The following CTNND2 variants were observed in gnomAD, a reference collection of about 807,000 sequenced individuals.
CTNND2 encodes the protein catenin delta-2.
CTNND2 carries 22 observed loss-of-function variants against 144.4 expected under a neutral mutation model. The ratio of observed to expected loss-of-function variants is 0.15; its 90% CI spans 0.11 to 0.22. The LOEUF (loss-of-function observed/expected upper bound fraction) is 0.22. Ranked by LOEUF, CTNND2 falls within the 10% of genes least tolerant of loss-of-function variation. CTNND2 has a pLI of 1.00. For synonymous variants in CTNND2, 751 were observed against 695.6 expected, an observed-to-expected ratio of 1.08 and a Z score of -1.25; for missense variants, 1,353 against 1,618.8, an observed-to-expected ratio of 0.84 and a Z score of 2.82.
At chr5:11,678,137 A>G (rs1272320501) in intron 2 of CTNND2, among the ~76,000 whole-genome samples, 2 of 152,232 alleles carry the variant, frequency 1.3e-5, no homozygotes, top group Non-Finnish European at 2.9e-5. Context: ...AATACAAGAA[A>G]AAAAAGTCAG....
chr5:11,627,611 G>A (rs1277272357), intron 2 of CTNND2, among the ~76,000 whole-genome samples: 1 of 151,918 alleles, frequency 6.6e-6, no homozygotes, highest in Non-Finnish European at 1.5e-5. Flanking sequence ...TATTTCAAAT[G>A]ATGAGGAGTA....
intron 3 of CTNND2, among the ~76,000 whole-genome samples, chr5:11,558,912 G>GT (rs1371712936): frequency 6.6e-6 from 1 of 151,876 alleles, no homozygotes; most frequent in Non-Finnish European, 1.5e-5. Context: ...TAGGTAACAC[G>GT]TAATTGGGAG....
intron 12 of CTNND2, among the ~76,000 whole-genome samples, chr5:11,156,122 T>C (rs758678118): frequency 6.6e-6 from 1 of 152,216 alleles, no homozygotes; most frequent in Non-Finnish European, 1.5e-5. Context: ...ACAGAGCCTA[T>C]TAAGCCTGCA....
intron 2 of CTNND2, among the ~76,000 whole-genome samples, chr5:11,719,980 G>C (rs975681203): frequency 6.6e-6 from 1 of 151,966 alleles, no homozygotes; most frequent in Non-Finnish European, 1.5e-5. Context: ...GGCAATGGAC[G>C]AAGCCAGTGC....
chr5:11,419,035 G>GATAT (rs1466963053), intron 3 of CTNND2, among the ~76,000 whole-genome samples: 5 of 129,688 alleles, frequency 3.9e-5, no homozygotes, highest in Admixed American at 8.0e-5. Flanking sequence ...TCTATATATA[G>GATAT]ATATATAGAT....
At chr5:11,679,853 T>C (rs993356193) in intron 2 of CTNND2, among the ~76,000 whole-genome samples, 2 of 152,192 alleles carry the variant, frequency 1.3e-5, no homozygotes, top group African/African-American at 4.8e-5. Flanking sequence ...CCTGACCTCA[T>C]GGAGGCGGCA....
At chr5:11,245,760 T>G (rs1161576711) in intron 9 of CTNND2, among the ~76,000 whole-genome samples, 1 of 152,200 alleles carries the variant, frequency 6.6e-6, no homozygotes, top group African/African-American at 2.4e-5. Context: ...GAAGCCCATC[T>G]GACCCCAGGA....
At chr5:11,421,280 C>A (rs775620533) in intron 3 of CTNND2, among the ~76,000 whole-genome samples, 1 of 152,170 alleles carries the variant, frequency 6.6e-6, no homozygotes, top group Non-Finnish European at 1.5e-5. Flanking sequence ...TATGAATATT[C>A]TTCCCCTTGC....
At chr5:11,273,608 A>G (rs1219059870) in intron 9 of CTNND2, among the ~76,000 whole-genome samples, 4 of 152,188 alleles carry the variant, frequency 2.6e-5, no homozygotes. Flanking sequence ...GACCGTGTGC[A>G]GCTCTGCAGC....
At chr5:11,518,387 T>C (rs978677765) in intron 3 of CTNND2, among the ~76,000 whole-genome samples, 1 of 152,150 alleles carries the variant, frequency 6.6e-6, no homozygotes, top group Non-Finnish European at 1.5e-5. Context: ...GAAAAGAAAT[T>C]TAAGAATTTC....
chr5:11,316,316 C>T (rs1229921166), intron 9 of CTNND2, among the ~76,000 whole-genome samples: 1 of 152,042 alleles, frequency 6.6e-6, no homozygotes, highest in Non-Finnish European at 1.5e-5. Flanking sequence ...ACCTCTGCCT[C>T]CCAGGTTCAA....
chr5:11,695,529 T>C (rs969394870), intron 2 of CTNND2, among the ~76,000 whole-genome samples: 5 of 152,246 alleles, frequency 3.3e-5, no homozygotes, highest in African/African-American at 1.2e-4. Context: ...TAACAAGGTA[T>C]TCAGAGATGT....
At chr5:11,016,151 G>A (rs1741580167) in intron 18 of CTNND2, among the ~76,000 whole-genome samples, 1 of 152,160 alleles carries the variant, frequency 6.6e-6, no homozygotes, top group African/African-American at 2.4e-5. Flanking sequence ...TTTCCATAGG[G>A]CCTTGAATAT....
chr5:11,264,877 G>A (rs1745281573), intron 9 of CTNND2, among the ~76,000 whole-genome samples: 1 of 152,118 alleles, frequency 6.6e-6, no homozygotes, highest in Non-Finnish European at 1.5e-5. Context: ...GTTGCAGTGA[G>A]CCAAGATTGT....
At chr5:11,831,672 A>G (rs1207906696) in intron 1 of CTNND2, among the ~76,000 whole-genome samples, 1 of 151,942 alleles carries the variant, frequency 6.6e-6, no homozygotes, top group African/African-American at 2.4e-5. Flanking sequence ...GTATCAAAAA[A>G]AAAAAAAAAA....
At chr5:11,470,987 T>A (rs1395207553) in intron 3 of CTNND2, among the ~76,000 whole-genome samples, 43 of 131,714 alleles carry the variant, frequency 3.3e-4, no homozygotes, top group African/African-American at 9.2e-4. Flanking sequence ...TATATTTTTT[T>A]TTTTTTTTTA....
At chr5:11,683,934 CA>C (rs1457773396) in intron 2 of CTNND2, among the ~76,000 whole-genome samples, 6 of 151,936 alleles carry the variant, frequency 3.9e-5, no homozygotes, top group Non-Finnish European at 8.8e-5. Flanking sequence ...TCTAAGCTCC[CA>C]ATAGTCCTAA....
chr5:11,788,437 G>A (rs1790954373), intron 1 of CTNND2, among the ~76,000 whole-genome samples: 1 of 152,124 alleles, frequency 6.6e-6, no homozygotes, highest in South Asian at 2.1e-4. Context: ...GAATTTATGT[G>A]TTTAGTGGGA....
chr5:11,213,908 C>A (rs996080898), intron 10 of CTNND2, among the ~76,000 whole-genome samples: 1 of 152,038 alleles, frequency 6.6e-6, no homozygotes, highest in Non-Finnish European at 1.5e-5. Context: ...AAGTGAAAAT[C>A]GTTCAGAAAG....
Sources: allele counts gnomAD v4.1 joint callset (sites outside exome capture counted in the v4.1 genomes callset), GRCh38; gene constraint gnomAD v4.1.1; transcripts MANE v1.5; gene names NCBI Gene and HGNC (gene_info 2026-07-23, HGNC 2026-07-21).